The following LDHC variants were observed in gnomAD, a reference collection of about 807,000 sequenced individuals.
The protein encoded by LDHC is L-lactate dehydrogenase C chain.
Under a neutral mutation model 30.2 loss-of-function variants are expected in LDHC, and 20 were observed. That is an observed-to-expected ratio of 0.66 (90% CI 0.47 to 0.96). The LOEUF (loss-of-function observed/expected upper bound fraction) is 0.96, where lower values mean the gene tolerates loss of function less well. Among genes scored for constraint, LDHC ranks in the 40% least tolerant of loss-of-function variants. The probability of loss-of-function intolerance (pLI) is 0.00; values close to 1 mark genes in which losing one functional copy is unlikely to be tolerated. For missense variants in LDHC, 362 were observed against 394.9 expected, an observed-to-expected ratio of 0.92 and a Z score of 0.71; for synonymous variants, 139 against 132.7, an observed-to-expected ratio of 1.05 and a Z score of -0.32.
At chr11:18,430,832 G>T (rs79756504) in intron 4 of LDHC, among the ~76,000 whole-genome samples, 2 of 152,046 alleles carry the variant, frequency 1.3e-5, no homozygotes, top group Non-Finnish European at 2.9e-5. Context: ...AGTAACATAC[G>T]TGGGTTATAT....
At chr11:18,427,566 A>G (rs752573442) in intron 3 of LDHC, among the ~76,000 whole-genome samples, 10 of 152,178 alleles carry the variant, frequency 6.6e-5, no homozygotes, top group Admixed American at 2.0e-4. Context: ...TTATATTTAC[A>G]AAGAAAAATA....
At chr11:18,446,882 T>G (rs143495064) in intron 7 of LDHC, among the ~76,000 whole-genome samples, 27 of 152,188 alleles carry the variant, frequency 1.8e-4, no homozygotes, top group East Asian at 1.7e-3. Context: ...GGAATTTGGT[T>G]GTGAAGGTAA....
At chr11:18,417,874 C>A (rs1331751167) in intron 3 of LDHC, among the ~76,000 whole-genome samples, 3 of 152,010 alleles carry the variant, frequency 2.0e-5, no homozygotes, top group Non-Finnish European at 4.4e-5. Context: ...TTGAAATCAG[C>A]CAGAGGCAAC....
At chr11:18,439,341 TC>T (rs1267828109) in intron 6 of LDHC, among the ~76,000 whole-genome samples, 2 of 151,988 alleles carry the variant, frequency 1.3e-5, no homozygotes, top group Admixed American at 6.6e-5. Flanking sequence ...GGCGGGTGGA[TC>T]ACCTGAGGTC....
chr11:18,433,063 TTTTATAGGTCCTGTGTGA>T (rs1848296373), intron 4 of LDHC, among the ~76,000 whole-genome samples: 1 of 152,176 alleles, frequency 6.6e-6, no homozygotes, highest in South Asian at 2.1e-4. Context: ...TGTGTTTTAG[TTTTATAGGTCCTGTGTGA>T]TTTATGCTTT....
At chr11:18,442,776 C>T (rs989011666) in intron 6 of LDHC, among the ~76,000 whole-genome samples, 4 of 149,968 alleles carry the variant, frequency 2.7e-5, no homozygotes, top group African/African-American at 7.4e-5. Context: ...GATTCTCATG[C>T]CTCGGCCTCT....
chr11:18,422,125 A>G (rs954815157), intron 3 of LDHC, among the ~76,000 whole-genome samples: 9 of 152,254 alleles, frequency 5.9e-5, no homozygotes, highest in African/African-American at 2.2e-4. Context: ...ACTGATACAA[A>G]AAAACAAAAA....
intron 4 of LDHC, among the ~76,000 whole-genome samples, chr11:18,432,768 A>G (rs1430957042): frequency 2.0e-5 from 3 of 152,182 alleles, no homozygotes; most frequent in African/African-American, 7.2e-5. Flanking sequence ...TTCGTCTGAT[A>G]TGAGAGTATC....
At chr11:18,420,411 CAG>C (rs1441845450) in intron 3 of LDHC, among the ~76,000 whole-genome samples, 1 of 151,918 alleles carries the variant, frequency 6.6e-6, no homozygotes. Flanking sequence ...TAAAAATTGT[CAG>C]AGAGAACATA....
intron 4 of LDHC, among the ~76,000 whole-genome samples, chr11:18,432,178 G>A (rs1268262360): frequency 1.3e-5 from 2 of 152,104 alleles, no homozygotes; most frequent in Admixed American, 6.6e-5. Flanking sequence ...ACTGTCATTC[G>A]ATTAGAAGAA....
chr11:18,425,945 A>AAAAAAAAG (rs1554963666), intron 3 of LDHC, among the ~76,000 whole-genome samples: 1 of 151,966 alleles, frequency 6.6e-6, no homozygotes, highest in Non-Finnish European at 1.5e-5. Flanking sequence ...TGTCTCAGAA[A>AAAAAAAAG]AAAAAAGAAA....
chr11:18,422,696 T>C (rs1424847209), intron 3 of LDHC, among the ~76,000 whole-genome samples: 1 of 151,960 alleles, frequency 6.6e-6, no homozygotes, highest in Non-Finnish European at 1.5e-5. Flanking sequence ...CATTAGAAGA[T>C]GTTAAATGTC....
In LDHC at chr11:18,412,322, C is replaced by T. The variant is rs150014063; in HGVS notation, c.-96C>T. On this transcript the variant is annotated 5_prime_UTR_variant, in exon 1 of 8. Transcript: ENST00000541669. ...GCGGGGGAACGTGCGTGTCTCGAGTCGCACGGAGGGCAACCGTCGACGGGC... is the reference window on the plus strand; with the variant it reads ...GCGGGGGAACGTGCGTGTCTCGAGTTGCACGGAGGGCAACCGTCGACGGGC... 348 of 162,494 alleles carry T rather than the reference C, an allele frequency of 2.1e-3. 1 individual carries two copies. The highest frequency in any genetic ancestry group is 7.6e-3 in the African/African-American group (317 of 41,748). The allele number at this position is 162,494 out of a possible 1,614,324, so 10.1% of individuals were successfully genotyped here.
chr11:18,421,402 G>T (rs1848047712), intron 3 of LDHC, among the ~76,000 whole-genome samples: 1 of 151,906 alleles, frequency 6.6e-6, no homozygotes, highest in Non-Finnish European at 1.5e-5. Flanking sequence ...GGTCGGATGT[G>T]GTGGCTCACG....
intron 3 of LDHC, among the ~76,000 whole-genome samples, chr11:18,422,808 C>T (rs955687799): frequency 6.6e-6 from 1 of 151,434 alleles, no homozygotes; most frequent in African/African-American, 2.4e-5. Flanking sequence ...CACGGTGAAA[C>T]CATGTCTTTA....
chr11:18,449,114 G>A (rs76620717), intron 7 of LDHC, among the ~76,000 whole-genome samples: 61 of 152,038 alleles, frequency 4.0e-4, no homozygotes, highest in Non-Finnish European at 6.3e-4. Flanking sequence ...GGAAGCAGAG[G>A]GACTTCTTCC....
chr11:18,441,595 A>G (rs1329714418), intron 6 of LDHC, among the ~76,000 whole-genome samples: 3 of 144,874 alleles, frequency 2.1e-5, no homozygotes, highest in Admixed American at 1.4e-4. Context: ...ATGAGCCACC[A>G]CACCCGGCCC....
chr11:18,416,291 AAGGCATAGC>A (rs1244335038), intron 3 of LDHC, among the ~76,000 whole-genome samples: 3 of 152,206 alleles, frequency 2.0e-5, no homozygotes, highest in African/African-American at 7.2e-5. Context: ...ACCAGGTTTC[AAGGCATAGC>A]ATGAGGCCAT....
intron 7 of LDHC, among the ~76,000 whole-genome samples, chr11:18,449,896 A>G (rs564198374): frequency 1.3e-5 from 2 of 152,112 alleles, no homozygotes; most frequent in African/African-American, 4.8e-5. Context: ...TCTTCCTTCA[A>G]CGCCATTCCT....
Sources: allele counts gnomAD v4.1 joint callset (sites outside exome capture counted in the v4.1 genomes callset), GRCh38; gene constraint gnomAD v4.1.1; transcripts MANE v1.5; gene names NCBI Gene and HGNC (gene_info 2026-07-23, HGNC 2026-07-21).